RNF38: variants seen among roughly 807,000 people sequenced by gnomAD.
RNF38 encodes the protein E3 ubiquitin-protein ligase RNF38.
In RNF38, 15 loss-of-function variants were observed where a neutral mutation model predicts 67.2. The ratio of observed to expected loss-of-function variants is 0.22; its 90% CI spans 0.15 to 0.34. The LOEUF is 0.34. Ranked by LOEUF, RNF38 falls within the 10% of genes least tolerant of loss-of-function variation. The probability of loss-of-function intolerance (pLI) is 1.00; values close to 1 mark genes in which losing one functional copy is unlikely to be tolerated. For missense variants in RNF38, 524 were observed against 639.9 expected, an observed-to-expected ratio of 0.82 and a Z score of 1.95; for synonymous variants, 220 against 218.8, an observed-to-expected ratio of 1.01 and a Z score of -0.05.
chr9:36,486,901 G>A, intron 1 of RNF38, among the ~76,000 whole-genome samples: 1 of 152,090 alleles, frequency 6.6e-6, no homozygotes, highest in South Asian at 2.1e-4. Context: ...CTCGGCTCCT[G>A]GGGGCCGGGG....
intron 11 of RNF38, among the ~76,000 whole-genome samples, chr9:36,341,793 AATATATATATATATATATATATAT>A (rs1193028456): frequency 1.4e-3 from 30 of 20,928 alleles, no homozygotes; most frequent in African/African-American, 3.2e-3. Flanking sequence ...CCTGTTTCAA[AATATATATATATATATATATATAT>A]ATATATATAT....
At chr9:36,429,963 A>G (rs1838888271) in intron 1 of RNF38, among the ~76,000 whole-genome samples, 1 of 152,178 alleles carries the variant, frequency 6.6e-6, no homozygotes, top group Admixed American at 6.5e-5. Context: ...GCCAACTATA[A>G]TATACTTTAT....
upstream of RNF38, chr9:36,401,162 G>A (rs1448162350): frequency 3.0e-6 from 3 of 984,670 alleles, no homozygotes; most frequent in African/African-American, 1.8e-5. Flanking sequence ...TCCGCACCGC[G>A]CGCCGAACCC....
In RNF38 at chr9:36,383,892, G is replaced by A. The variant is rs138483462; in HGVS notation, c.162+6575C>T. Among the ~76,000 whole-genome samples the A allele has an allele frequency of 4.3e-4, 66 of 151,830 alleles. No homozygotes were observed. The East Asian group carries it at 0.011, about 26-fold the overall frequency. ...CAGAAAGGCACTCTAGTAGTATAAC[G>A]TATTGCAATCACACCATGATGAATA... On this transcript the variant is annotated intron_variant, in intron 2 of 11. Transcript: ENST00000259605.
intron 2 of RNF38, among the ~76,000 whole-genome samples, chr9:36,412,744 T>C (rs1447528760): frequency 5.3e-5 from 8 of 152,218 alleles, no homozygotes; most frequent in Non-Finnish European, 2.9e-5. Context: ...AAGACCAGCC[T>C]GACCAACATG....
chr9:36,367,070 T>C (rs1259912825), intron 4 of RNF38, among the ~76,000 whole-genome samples: 2 of 152,160 alleles, frequency 1.3e-5, no homozygotes, highest in Admixed American at 1.3e-4. Context: ...CTTAAAGTGT[T>C]TGGTATTTTA....
intron 11 of RNF38, among the ~76,000 whole-genome samples, 172 bp from the exon 12 acceptor site, chr9:36,339,986 AT>A (rs5897634): frequency 0.97 from 146,798 of 151,792 alleles, 71,159 homozygotes; most frequent in South Asian, 1. Context: ...TAGCCCAGGA[AT>A]TTTTTTTTTG....
At chr9:36,392,806 G>T (rs188572950) in intron 1 of RNF38, among the ~76,000 whole-genome samples, 1 of 152,014 alleles carries the variant, frequency 6.6e-6, no homozygotes, top group Non-Finnish European at 1.5e-5. Flanking sequence ...AAAAACATGG[G>T]CCCTAACCTC....
chr9:36,434,245 AGGGAG>A (rs1273641056), intron 1 of RNF38, among the ~76,000 whole-genome samples: 5 of 97,424 alleles, frequency 5.1e-5, no homozygotes, highest in African/African-American at 1.2e-4. Context: ...AGAAAGGGGA[AGGGAG>A]GGGAGGGGAG....
At chr9:36,361,188 T>C (rs1834503277) in intron 4 of RNF38, among the ~76,000 whole-genome samples, 1 of 151,932 alleles carries the variant, frequency 6.6e-6, no homozygotes, top group Non-Finnish European at 1.5e-5. Flanking sequence ...AGAAAAATAC[T>C]TCTGTTTTAC....
chr9:36,401,056 T>G, upstream of RNF38: 1 of 984,186 alleles, frequency 1.0e-6, no homozygotes, highest in Non-Finnish European at 1.2e-6. Context: ...ACTTCTTGGG[T>G]CCGGGTCGCC....
chr9:36,380,664 A>G (rs772973853), intron 2 of RNF38, among the ~76,000 whole-genome samples: 10 of 152,004 alleles, frequency 6.6e-5, no homozygotes, highest in Non-Finnish European at 1.0e-4. Context: ...AGCTAATTAA[A>G]AAAAAATTTT....
chr9:36,387,228 T>C (rs1481886039), intron 2 of RNF38, among the ~76,000 whole-genome samples: 3 of 152,220 alleles, frequency 2.0e-5, no homozygotes, highest in Non-Finnish European at 2.9e-5. Flanking sequence ...CTTAATAAAC[T>C]TGCTTTCACT....
At chr9:36,486,757 A>C (rs1321375916) in intron 1 of RNF38, among the ~76,000 whole-genome samples, 1 of 151,732 alleles carries the variant, frequency 6.6e-6, no homozygotes, top group African/African-American at 2.4e-5. Flanking sequence ...CCAGGGCACC[A>C]CCAAGCTCCC....
intron 2 of RNF38, among the ~76,000 whole-genome samples, chr9:36,413,072 CA>C (rs1406493164): frequency 4.8e-5 from 7 of 144,736 alleles, no homozygotes; most frequent in Admixed American, 6.9e-5. Flanking sequence ...GAGTCCATCT[CA>C]AAAAAAAAAG....
At chr9:36,379,106 G>A (rs1219400653) in intron 2 of RNF38, among the ~76,000 whole-genome samples, 1 of 152,062 alleles carries the variant, frequency 6.6e-6, no homozygotes, top group African/African-American at 2.4e-5. Flanking sequence ...CTCTGTGTTG[G>A]TCAGGATGGT....
intron 1 of RNF38, among the ~76,000 whole-genome samples, chr9:36,484,358 G>A (rs1459744322): frequency 6.6e-6 from 1 of 152,218 alleles, no homozygotes; most frequent in Non-Finnish European, 1.5e-5. Flanking sequence ...TCACCAGCCT[G>A]CATGTCTAAC....
upstream of RNF38, chr9:36,401,198 G>GGGGGAGGGGC (rs1838011177): frequency 1.8e-5 from 17 of 971,030 alleles, no homozygotes; most frequent in Non-Finnish European, 1.8e-5. Context: ...CGAGGGGGAA[G>GGGGGAGGGGC]GGGGCGGGGC....
chr9:36,347,208 TATC>T lies in RNF38; in HGVS notation c.1264-2258_1264-2256del, dbSNP rs1416746199. On this transcript the variant is annotated intron_variant, in intron 9 of 11. Transcript: ENST00000259605. ...TATAAAATTTAGATAAAATTTATGA[TATC>T]ATTGATAATGATCTTTTATATCTCT... Among the ~76,000 whole-genome samples the T allele has an allele frequency of 2.5e-4, 37 of 149,858 alleles. 1 individual carries two copies. The highest frequency in any genetic ancestry group is 5.2e-4 in the Non-Finnish European group (35 of 67,756).
Sources: gnomAD v4.1 joint callset for allele counts (sites outside exome capture counted in the v4.1 genomes callset) on GRCh38, gnomAD v4.1.1 for gene constraint, MANE v1.5 for transcripts, NCBI Gene and HGNC (gene_info 2026-07-23, HGNC 2026-07-21) for gene names.